The following WBP2NL variants were observed in gnomAD, a reference collection of about 807,000 sequenced individuals.
WBP2NL encodes postacrosomal sheath WW domain-binding protein.
Under a neutral mutation model 23.3 loss-of-function variants are expected in WBP2NL, and 27 were observed. That is an observed-to-expected ratio of 1.16 (90% CI 0.85 to 1.60). The LOEUF (loss-of-function observed/expected upper bound fraction) is 1.60, where lower values mean the gene tolerates loss of function less well. Ranked by LOEUF, WBP2NL falls within the 40% of genes most tolerant of loss-of-function variation. The pLI is 0.00. For missense variants in WBP2NL, 370 were observed against 389.5 expected (o/e 0.95, Z 0.42); for synonymous variants, 151 against 145.9 (o/e 1.03, Z -0.25).
chr22:42,000,644 G>C (rs1428914931), intron 1 of WBP2NL, among the ~76,000 whole-genome samples: 1 of 152,054 alleles, frequency 6.6e-6, no homozygotes, highest in Non-Finnish European at 1.5e-5. Context: ...GAATGCTCAA[G>C]ATAGCCGGGC....
chr22:42,048,775 GAAA>G (rs57453765), intron 8 of WBP2NL, among the ~76,000 whole-genome samples: 1 of 147,712 alleles, frequency 6.8e-6, no homozygotes, highest in Non-Finnish European at 1.5e-5. Flanking sequence ...AAAAAGAAAA[GAAA>G]AAAAAGAAAC....
At chr22:42,047,466 T>G (rs1026629527) in intron 8 of WBP2NL, among the ~76,000 whole-genome samples, 23 of 151,314 alleles carry the variant, frequency 1.5e-4, no homozygotes, top group Middle Eastern at 3.4e-3. Flanking sequence ...GTCGGGTGCC[T>G]GTAATCCCAG....
intron 1 of WBP2NL, among the ~76,000 whole-genome samples, chr22:42,007,221 G>GT (rs1466045334): frequency 6.6e-6 from 1 of 151,840 alleles, no homozygotes; most frequent in Non-Finnish European, 1.5e-5. Flanking sequence ...TTTTTGTTTT[G>GT]TTTTTTGTTT....
At chr22:42,055,237 C>T (rs747320409) in intron 8 of WBP2NL, among the ~76,000 whole-genome samples, 38 of 152,098 alleles carry the variant, frequency 2.5e-4, no homozygotes, top group African/African-American at 4.1e-4. Context: ...AGTGCAGTGG[C>T]GCGATCTTGG....
chr22:42,046,582 A>T (rs535158224), intron 8 of WBP2NL, among the ~76,000 whole-genome samples: 2 of 152,346 alleles, frequency 1.3e-5, no homozygotes, highest in South Asian at 4.1e-4. Context: ...GTATATGGTA[A>T]TGTCCCATTT....
chr22:42,011,057 C>T (rs1922766862), intron 1 of WBP2NL, among the ~76,000 whole-genome samples: 1 of 152,126 alleles, frequency 6.6e-6, no homozygotes, highest in South Asian at 2.1e-4. Flanking sequence ...GGATTTTTTA[C>T]ATCAATATTC....
intron 5 of WBP2NL, among the ~76,000 whole-genome samples, chr22:42,024,159 G>A (rs989066784): frequency 1.2e-4 from 18 of 152,170 alleles, no homozygotes; most frequent in African/African-American, 4.3e-4. Flanking sequence ...GTTGTAGCAT[G>A]TAGCAATACT....
downstream of WBP2NL, among the ~76,000 whole-genome samples, chr22:42,035,823 C>T (rs1251546429): frequency 1.3e-5 from 2 of 152,150 alleles, no homozygotes; most frequent in Admixed American, 1.3e-4. Flanking sequence ...ATTTCCCCCT[C>T]TTCCCAGCCC....
intron 8 of WBP2NL, among the ~76,000 whole-genome samples, chr22:42,047,621 A>AT (rs570138140): frequency 0.37 from 48,715 of 132,944 alleles, 9,320 homozygotes; most frequent in Admixed American, 0.46. Flanking sequence ...AACCAATCAA[A>AT]TTTTTTTTTT....
At chr22:42,053,897 T>C (rs1287722857) in intron 8 of WBP2NL, among the ~76,000 whole-genome samples, 1 of 152,210 alleles carries the variant, frequency 6.6e-6, no homozygotes, top group Non-Finnish European at 1.5e-5. Flanking sequence ...TAGACCCTAG[T>C]TGGAGTATAT....
At chr22:42,031,319 A>G (rs1924930435), downstream of WBP2NL, 1 of 152,244 alleles carries the variant, frequency 6.6e-6, no homozygotes, top group Non-Finnish European at 1.5e-5. Flanking sequence ...AAATCCAGTC[A>G]GAATTCAGCT....
chr22:42,017,754 G>T (rs184450694), intron 1 of WBP2NL, among the ~76,000 whole-genome samples: 1 of 152,090 alleles, frequency 6.6e-6, no homozygotes, highest in Non-Finnish European at 1.5e-5. Flanking sequence ...GCGCATTCCT[G>T]TAGTCCTAGC....
chr22:42,056,209 A>T (rs1254943098), intron 8 of WBP2NL, among the ~76,000 whole-genome samples: 2 of 151,946 alleles, frequency 1.3e-5, no homozygotes, highest in African/African-American at 4.8e-5. Context: ...TGCCATAGGG[A>T]TTACCATTAA....
At chr22:42,044,859 C>T (rs983687199) in intron 8 of WBP2NL, among the ~76,000 whole-genome samples, 8 of 152,072 alleles carry the variant, frequency 5.3e-5, no homozygotes, top group Non-Finnish European at 1.2e-4. Flanking sequence ...GTCACCCAGG[C>T]TGGAGTGCAG....
chr22:42,027,437 C>G lies in WBP2NL; in HGVS notation c.*256C>G, dbSNP rs1464255139. On this transcript the variant is annotated 3_prime_UTR_variant, in exon 6 of 6. Transcript: ENST00000328823. The stretch of plus-strand genomic sequence containing the variant: ...GCTAATTCCCCAGTAATTTGGTTGA[C>G]ATTGGGTTGCATTTTTAAACATAAC... 2.2e-6 allele frequency: 1 copy of G among 448,056 alleles called. No individual in the cohort carries two copies. Among genetic ancestry groups the G allele is most frequent in the African/African-American group, 2.0e-5 (1 of 50,792 alleles). The allele number at this position is 448,056 out of a possible 1,614,324, so 27.8% of individuals were successfully genotyped here. A position where few individuals can be genotyped will look rare whatever the true frequency, so the allele number is the denominator to read the frequency against.
chr22:42,009,410 C>T (rs1413556909), intron 1 of WBP2NL, among the ~76,000 whole-genome samples: 1 of 152,006 alleles, frequency 6.6e-6, no homozygotes, highest in Non-Finnish European at 1.5e-5. Context: ...CGAAGATTTT[C>T]AGTATGTTTT....
At chr22:42,029,502 G>A (rs529324072), downstream of WBP2NL, among the ~76,000 whole-genome samples, 70 of 152,088 alleles carry the variant, frequency 4.6e-4, no homozygotes, top group African/African-American at 1.7e-3. Context: ...CTCCTGAGTA[G>A]CTGGGATTAC....
intron 4 of WBP2NL, 113 bp from the exon 5 acceptor site, chr22:42,022,136 T>C (rs1358530843): frequency 5.8e-6 from 5 of 869,506 alleles, no homozygotes; most frequent in Non-Finnish European, 5.7e-6. Flanking sequence ...AAGAGCATTG[T>C]TGGAAACACA....
intron 8 of WBP2NL, among the ~76,000 whole-genome samples, chr22:42,048,871 TAA>T: frequency 6.6e-6 from 1 of 151,968 alleles, no homozygotes; most frequent in Non-Finnish European, 1.5e-5. Context: ...ACAGGTGACA[TAA>T]AACTCTGTGG....
Sources: gnomAD v4.1 joint callset for allele counts (sites outside exome capture counted in the v4.1 genomes callset) on GRCh38, gnomAD v4.1.1 for gene constraint, MANE v1.5 for transcripts, NCBI Gene and HGNC (gene_info 2026-07-23, HGNC 2026-07-21) for gene names.